The following CLEC4F variants were observed in gnomAD, a reference collection of about 807,000 sequenced individuals.
CLEC4F encodes the protein C-type (calcium dependent, carbohydrate-recognition domain) lectin, superfamily member 13.
CLEC4F carries 45 observed loss-of-function variants against 53.4 expected under a neutral mutation model. The ratio of observed to expected loss-of-function variants is 0.84; its 90% CI spans 0.66 to 1.08. The LOEUF (loss-of-function observed/expected upper bound fraction) is 1.08, where lower values mean the gene tolerates loss of function less well. CLEC4F is among the 50% of genes least tolerant of loss of function. CLEC4F has a pLI of 0.00. For missense variants in CLEC4F, 753 were observed against 698.2 expected, an observed-to-expected ratio of 1.08 and a Z score of -0.88; for synonymous variants, 245 against 257.5, an observed-to-expected ratio of 0.95 and a Z score of 0.46.
intron 5 of CLEC4F, chr2:70,811,190 TATCTGGATGGC>T: frequency 2.8e-6 from 2 of 713,108 alleles, no homozygotes; most frequent in Non-Finnish European, 5.0e-6. Context: ...TGAGTACAAG[TATCTGGATGGC>T]ATTCACGCTG....
rs1553396277 is a variant in CLEC4F, at chr2:70,816,772, G to A, written c.609C>T (p.Ser203=). 2 of 1,614,156 alleles carry A rather than the reference G, an allele frequency of 1.2e-6. No individual in the cohort carries two copies. The highest frequency in any genetic ancestry group is 2.2e-5 in the East Asian group (1 of 44,876). The change falls in exon 4 of 7, where the codon AGC becomes AGT. Residue 203 remains serine, a synonymous_variant. Transcript: ENST00000272367. ...GCTCAATGCTGGTGTTTTCTAAACT[G>A]CTTTTTAAGAAATTCAGCGTCTGGA... ...LTFQTLNFLK[S]SLENTSIELH... is the part of the protein sequence containing the mutation.
chr2:70,809,713 C>T, intron 6 of CLEC4F, 26 bp downstream of exon 6: 4 of 1,559,110 alleles, frequency 2.6e-6, no homozygotes, highest in Non-Finnish European at 3.5e-6. Context: ...GTGCCTGGGA[C>T]AGCGCCAGAT....
intron 1 of CLEC4F, 62 bp downstream of exon 1, chr2:70,820,401 G>C: frequency 1.4e-6 from 2 of 1,463,634 alleles, no homozygotes; most frequent in Non-Finnish European, 9.3e-7. Flanking sequence ...TTATGGCAGA[G>C]GGCCAAAGGA....
At chr2:70,822,970 G>A (rs1677263846), upstream of CLEC4F, among the ~76,000 whole-genome samples, 1 of 152,212 alleles carries the variant, frequency 6.6e-6, no homozygotes, top group South Asian at 2.1e-4. Context: ...CTCTGAGGCC[G>A]GGCCAGGAGA....
At chr2:70,824,641 A>AAAAAAAAAAAAAAAAAAAAAG, upstream of CLEC4F, among the ~76,000 whole-genome samples, 1 of 150,428 alleles carries the variant, frequency 6.6e-6, no homozygotes, top group South Asian at 2.1e-4. Context: ...AAAAAAAAAA[A>AAAAAAAAAAAAAAAAAAAAAG]AAAAACTGAG....
Position 70,816,296 on chromosome 2 carries a change from A to C in CLEC4F, c.1085T>G (p.Phe362Cys). 6.2e-7 allele frequency: 1 copy of C among 1,614,226 alleles called. No homozygotes were observed. Among genetic ancestry groups the C allele is most frequent in the Non-Finnish European group, 8.5e-7 (1 of 1,180,032 alleles). The change falls in exon 4 of 7, where the codon TTC (phenylalanine) becomes TGC (cysteine). Residue 362 changes from phenylalanine to cysteine, a missense_variant. Physicochemically the swap from Phe to Cys is radical, Grantham distance 205. Transcript: ENST00000272367. ...LDQTDTQIQVFKSEMENVNTL... is the reference protein window; with the variant it reads ...LDQTDTQIQVCKSEMENVNTL... ...ATTCACATTTTCCATCTCTGACTTG[A>C]ATACCTGAATCTGAGTATCTGTCTG... is the stretch of plus-strand genomic sequence containing the variant.
At position 70,819,445 on chromosome 2, in the gene CLEC4F, C is replaced by T. The variant is rs367887967; in HGVS notation, c.179-1G>A. On this transcript the variant is annotated splice_acceptor_variant, in intron 2 of 6. Transcript: ENST00000272367. LOFTEE classifies it high-confidence loss of function. Reference sequence around the variant, plus strand: ...GGAACAGGTCTTGTCTGCTGTTGAACTGAGACATTCCATTTTTCCAGGTCA... The same window carrying T: ...GGAACAGGTCTTGTCTGCTGTTGAATTGAGACATTCCATTTTTCCAGGTCA... 19 of 1,613,788 alleles carry T rather than the reference C, an allele frequency of 1.2e-5. No homozygotes were observed. The African/African-American group carries it at 2.1e-4, about 18-fold the overall frequency.
At chr2:70,810,830 G>A (rs1473896761) in intron 5 of CLEC4F, 1 of 544,346 alleles carries the variant, frequency 1.8e-6, no homozygotes, top group Non-Finnish European at 3.6e-6. Flanking sequence ...ATTGAATTCT[G>A]TACTCCCTCT....
intron 4 of CLEC4F, among the ~76,000 whole-genome samples, chr2:70,813,574 T>TC (rs1676696790): frequency 6.7e-6 from 1 of 150,006 alleles, no homozygotes; most frequent in Non-Finnish European, 1.5e-5. Flanking sequence ...TTTCTCTTTC[T>TC]TTTTCTTTCT....
At chr2:70,813,302 C>A (rs1676665254) in intron 4 of CLEC4F, among the ~76,000 whole-genome samples, 1 of 152,120 alleles carries the variant, frequency 6.6e-6, no homozygotes, top group Admixed American at 6.5e-5. Flanking sequence ...ATGATTGATG[C>A]CCTTAAGGAA....
At chr2:70,819,737 G>T in intron 2 of CLEC4F, 38 bp downstream of exon 2, 1 of 1,449,128 alleles carries the variant, frequency 6.9e-7, no homozygotes, top group Non-Finnish European at 9.4e-7. Flanking sequence ...GCTGAAAGGA[G>T]AGAAAGTTAG....
chr2:70,813,338 T>C (rs1208266468), intron 4 of CLEC4F, among the ~76,000 whole-genome samples: 3 of 152,082 alleles, frequency 2.0e-5, no homozygotes, highest in Non-Finnish European at 2.9e-5. Context: ...ATGAGACAGA[T>C]GGAAAAAAGG....
chr2:70,820,644 C>G, upstream of CLEC4F: 1 of 938,664 alleles, frequency 1.1e-6, no homozygotes, highest in Non-Finnish European at 1.6e-6. Context: ...CCTGACCACC[C>G]TCCCAGCTCT....
At chr2:70,809,894 G>T in intron 5 of CLEC4F, 37 bp from the exon 6 acceptor site, 1 of 1,456,000 alleles carries the variant, frequency 6.9e-7, no homozygotes, top group African/African-American at 1.4e-5. Context: ...GCCCCTGTGT[G>T]TGGGGAGCCA....
At chr2:70,821,385 C>T (rs1244152652), upstream of CLEC4F, among the ~76,000 whole-genome samples, 1 of 152,150 alleles carries the variant, frequency 6.6e-6, no homozygotes, top group Non-Finnish European at 1.5e-5. Context: ...TGGGATTAGA[C>T]TTTGGAAGAC....
intron 4 of CLEC4F, among the ~76,000 whole-genome samples, chr2:70,814,685 G>C (rs1676795938): frequency 6.6e-6 from 1 of 152,094 alleles, no homozygotes; most frequent in South Asian, 2.1e-4. Context: ...GAACAGAGTT[G>C]AGTAGTTGTA....
intron 4 of CLEC4F, 135 bp downstream of exon 4, chr2:70,815,859 G>T: frequency 1.0e-6 from 1 of 975,728 alleles, no homozygotes; most frequent in Non-Finnish European, 1.5e-6. Context: ...CAACTGCCCA[G>T]TTTCCTTGGG....
chr2:70,819,936 A>T (rs575443979), intron 1 of CLEC4F, 45 bp from the exon 2 acceptor site: 1 of 1,348,024 alleles, frequency 7.4e-7, no homozygotes, highest in African/African-American at 1.5e-5. Flanking sequence ...GTGCTGTGCA[A>T]GGTAAGAGGG....
Position 70,816,180 on chromosome 2 carries a change from A to C in CLEC4F, c.1201T>G (p.Ser401Ala), listed in dbSNP as rs782360827. 6.2e-7 allele frequency: 1 copy of C among 1,614,148 alleles called. No individual in the cohort carries two copies. Among genetic ancestry groups the C allele is most frequent in the Non-Finnish European group, 8.5e-7 (1 of 1,180,028 alleles). ...QTLKQGMKNA[S>A]ALTSQTQMLD... is the part of the protein sequence containing the mutation. ...ATCTGGGTCTGGGAAGTTAAGGCTG[A>C]AGCATTCTTCATTCCTTGTTTTAGG... is the stretch of plus-strand genomic sequence containing the variant. The change falls in exon 4 of 7, where the codon TCA becomes GCA. Residue 401 changes from serine to alanine, a missense_variant. Coordinates refer to ENST00000272367, the MANE Select transcript of CLEC4F (RefSeq NM_173535.3).
Sources: allele counts gnomAD v4.1 joint callset (sites outside exome capture counted in the v4.1 genomes callset), GRCh38; gene constraint gnomAD v4.1.1; transcripts MANE v1.5; gene names NCBI Gene and HGNC (gene_info 2026-07-23, HGNC 2026-07-21).